The following RASGRF2 variants were observed in gnomAD, a reference collection of about 807,000 sequenced individuals.
RASGRF2 encodes Ras protein specific guanine nucleotide releasing factor 2.
A neutral mutation model predicts 151.0 loss-of-function variants in RASGRF2; 76 were observed. The ratio of observed to expected loss-of-function variants is 0.50; its 90% CI spans 0.42 to 0.61. RASGRF2 has a LOEUF of 0.61. Ranked by LOEUF, RASGRF2 falls within the 20% of genes least tolerant of loss-of-function variation. RASGRF2 has a pLI of 0.00. For missense variants in RASGRF2, 1,148 were observed against 1,564.6 expected (o/e 0.73, Z 4.49); for synonymous variants, 504 against 566.5 (o/e 0.89, Z 1.57).
intron 1 of RASGRF2, among the ~76,000 whole-genome samples, chr5:81,001,490 AT>A (rs111672689): frequency 0.028 from 4,243 of 152,252 alleles, 205 homozygotes; most frequent in African/African-American, 0.094. Context: ...TTTCACTGCC[AT>A]TCTGGGCCTC....
Position 81,173,727 on chromosome 5 carries a change from G to C in RASGRF2, c.2687-6448G>C, listed in dbSNP as rs1173487581. On this transcript the variant is annotated intron_variant, in intron 17 of 26. Transcript: ENST00000265080. The stretch of plus-strand genomic sequence containing the variant: ...CATGAGAAGTACTTGAGTTGGAGGA[G>C]TAACAAATTAAAGGGGTATTTGGGA... Among the ~76,000 whole-genome samples, 3 of 152,304 alleles carry C rather than the reference G, an allele frequency of 2.0e-5. No homozygotes were observed. The South Asian group carries it at 6.2e-4, about 32-fold the overall frequency.
intron 2 of RASGRF2, among the ~76,000 whole-genome samples, chr5:81,046,973 C>T (rs978329658): frequency 1.3e-5 from 2 of 152,042 alleles, no homozygotes; most frequent in South Asian, 2.1e-4. Flanking sequence ...TGGGAAGAAA[C>T]GAGGAAGGTT....
chr5:81,076,101 A>T (rs955647777), intron 5 of RASGRF2, among the ~76,000 whole-genome samples: 1 of 152,226 alleles, frequency 6.6e-6, no homozygotes, highest in Non-Finnish European at 1.5e-5. Flanking sequence ...CCATGGGTTT[A>T]ACAACTCGGA....
At chr5:81,145,522 G>A (rs1384184480) in intron 17 of RASGRF2, among the ~76,000 whole-genome samples, 1 of 152,218 alleles carries the variant, frequency 6.6e-6, no homozygotes, top group Non-Finnish European at 1.5e-5. Flanking sequence ...TAAAGCGGAA[G>A]TGATCGTGTA....
At chr5:80,967,242 G>T (rs1233164732) in intron 1 of RASGRF2, among the ~76,000 whole-genome samples, 2 of 152,072 alleles carry the variant, frequency 1.3e-5, no homozygotes, top group Non-Finnish European at 2.9e-5. Flanking sequence ...TACAAAATTA[G>T]CCAGGCGTGG....
intron 1 of RASGRF2, among the ~76,000 whole-genome samples, chr5:81,036,670 A>AT (rs1269872646): frequency 1.3e-5 from 2 of 151,312 alleles, no homozygotes; most frequent in Non-Finnish European, 1.5e-5. Flanking sequence ...TATTTTATCA[A>AT]TTTTTTTTTA....
rs1483068226 is a variant in RASGRF2, at chr5:81,209,382, G to A, written c.3156+944G>A. Among the ~76,000 whole-genome samples the A allele has an allele frequency of 2.6e-5, 4 of 152,132 alleles. No individual in the cohort carries two copies. The East Asian group carries it at 7.7e-4, about 29-fold the overall frequency. Reference sequence around the variant, plus strand: ...GTGTCTTCTGGCCTATCCAGGCAACGGGAAGCCTCCCCTTCCAGTTTCACT... The same window carrying A: ...GTGTCTTCTGGCCTATCCAGGCAACAGGAAGCCTCCCCTTCCAGTTTCACT... On this transcript the variant is annotated intron_variant, in intron 22 of 26. Transcript: ENST00000265080.
At position 81,092,931 on chromosome 5, in the gene RASGRF2, A is replaced by G. The variant is rs765782679; in HGVS notation, c.1521A>G (p.Arg507=). The part of the protein sequence containing the change: ...LFTKHFLICT[R]SSGGKLHLLK... ...CAAAACACTTTTTAATATGTACAAG[A>G]AGTTCAGGAGGGAAGCTTCATCTGC... Residue 507 remains arginine, a synonymous_variant, in exon 10 of 27, where the codon AGA becomes AGG. Transcript: ENST00000265080. The G allele has an allele frequency of 6.8e-6, 11 of 1,612,946 alleles. No homozygotes were observed. The highest frequency in any genetic ancestry group is 9.3e-6 in the Non-Finnish European group (11 of 1,179,188).
At position 81,029,890 on chromosome 5, in the gene RASGRF2, A is replaced by T. The variant is rs144579926; in HGVS notation, c.289-12987A>T. On this transcript the variant is annotated intron_variant, in intron 1 of 26. Coordinates refer to ENST00000265080, the MANE Select transcript of RASGRF2 (RefSeq NM_006909.3). Reference sequence around the variant, plus strand: ...AGGATGTTTGAACCCAACACAAAGAAGCTAAAAACCTTGAAAAAAGATTAG... The same window carrying T: ...AGGATGTTTGAACCCAACACAAAGATGCTAAAAACCTTGAAAAAAGATTAG... Among the ~76,000 whole-genome samples, 17 of 152,330 alleles carry T rather than the reference A, an allele frequency of 1.1e-4. 1 individual carries two copies. In the East Asian group the frequency reaches 2.1e-3, roughly 19 times the overall value.
At chr5:81,158,488 C>A (rs1754311657) in intron 17 of RASGRF2, among the ~76,000 whole-genome samples, 1 of 151,998 alleles carries the variant, frequency 6.6e-6, no homozygotes, top group Middle Eastern at 3.4e-3. Flanking sequence ...TTTTGAGTAT[C>A]AAAAGACACC....
At chr5:81,204,555 G>A (rs1418038245) in intron 19 of RASGRF2, among the ~76,000 whole-genome samples, 6 of 152,086 alleles carry the variant, frequency 3.9e-5, no homozygotes, top group Admixed American at 3.9e-4. Context: ...TATATAGTTT[G>A]TTGCCCTGTT....
intron 7 of RASGRF2, among the ~76,000 whole-genome samples, chr5:81,084,494 C>T (rs1307482115): frequency 6.6e-6 from 1 of 152,230 alleles, no homozygotes; most frequent in African/African-American, 2.4e-5. Context: ...GTTTCCCACC[C>T]TTCCACGATG....
chr5:81,076,052 G>A (rs1351382756), intron 5 of RASGRF2, among the ~76,000 whole-genome samples: 1 of 152,180 alleles, frequency 6.6e-6, no homozygotes, highest in South Asian at 2.1e-4. Flanking sequence ...AACCAACAAC[G>A]ATGCCAAAAA....
intron 2 of RASGRF2, among the ~76,000 whole-genome samples, chr5:81,045,439 A>G (rs1047074216): frequency 2.6e-5 from 4 of 152,232 alleles, no homozygotes; most frequent in Non-Finnish European, 5.9e-5. Context: ...TTTATCATCT[A>G]CAGGAAACTG....
At position 80,969,348 on chromosome 5, in the gene RASGRF2, C is replaced by A. The variant is rs558997187; in HGVS notation, c.288+8322C>A. 3.8e-3 allele frequency among the ~76,000 whole-genome samples: 575 copies of A among 151,520 alleles called. 2 individuals carry two copies. Among genetic ancestry groups the A allele is most frequent in the Non-Finnish European group, 4.7e-3 (316 of 67,906 alleles). On this transcript the variant is annotated intron_variant, in intron 1 of 26. Coordinates refer to ENST00000265080, the MANE Select transcript of RASGRF2 (RefSeq NM_006909.3). ...ACAGGGTTTCACCATGTTGGTCAGG[C>A]TGGTCTCGAACTCCTGACCTTGTGA...
Position 81,073,381 on chromosome 5 carries a change from C to A in RASGRF2, c.816C>A (p.Pro272=). The A allele has an allele frequency of 3.7e-6, 6 of 1,614,158 alleles. No individual in the cohort carries two copies. The highest frequency in any genetic ancestry group is 5.1e-6 in the Non-Finnish European group (6 of 1,180,030). The change falls in exon 5 of 27, where the codon CCC becomes CCA. Residue 272 remains proline (P), a synonymous_variant. Coordinates refer to ENST00000265080, the MANE Select transcript of RASGRF2 (RefSeq NM_006909.3). ...TCCTGGTCAATGGCTTTCTCCGGCC[C>A]CTGCGTATGGCCGCCAGCTCCAAGA... ...LYILVNGFLR[P]LRMAASSKKP... is the part of the protein sequence containing the mutation.
At chr5:81,210,474 G>A (rs1048359566) in intron 22 of RASGRF2, among the ~76,000 whole-genome samples, 5 of 152,140 alleles carry the variant, frequency 3.3e-5, no homozygotes, top group South Asian at 2.1e-4. Context: ...ATGGCCTTCC[G>A]TGTTATGGCT....
At chr5:81,009,949 G>A (rs1032916552) in intron 1 of RASGRF2, among the ~76,000 whole-genome samples, 12 of 152,086 alleles carry the variant, frequency 7.9e-5, no homozygotes, top group Admixed American at 1.3e-4. Context: ...ACAAGGTCAG[G>A]AGTTCGAGAG....
chr5:81,149,934 G>C lies in RASGRF2; in HGVS notation c.2686+22771G>C, dbSNP rs367716857. ...AGAAACTCTTCACTCTGAGTACTGT[G>C]GGGTGGGCGGAGGATACAGTTAGGA... On this transcript the variant is annotated intron_variant, in intron 17 of 26. Transcript: ENST00000265080. Among the ~76,000 whole-genome samples, 15 of 152,248 alleles carry C rather than the reference G, an allele frequency of 9.9e-5. No individual in the cohort carries two copies. The South Asian group carries it at 2.7e-3, about 27-fold the overall frequency.
Sources: allele counts gnomAD v4.1 joint callset (sites outside exome capture counted in the v4.1 genomes callset), GRCh38; gene constraint gnomAD v4.1.1; transcripts MANE v1.5; gene names NCBI Gene and HGNC (gene_info 2026-07-23, HGNC 2026-07-21).